The following GXYLT2 variants were observed in gnomAD, a reference collection of about 807,000 sequenced individuals.
GXYLT2 encodes the protein glucoside xylosyltransferase 2.
In GXYLT2, 53 loss-of-function variants were observed where a neutral mutation model predicts 45.8. The observed-to-expected ratio is 1.16, with a 90% CI of 0.93 to 1.46. The LOEUF (loss-of-function observed/expected upper bound fraction) is 1.46. Among genes scored for constraint, GXYLT2 ranks in the 40% most tolerant of loss-of-function variants. The probability of loss-of-function intolerance (pLI) is 0.00; values close to 1 mark genes in which losing one functional copy is unlikely to be tolerated. For synonymous variants in GXYLT2, 219 were observed against 214.2 expected, an observed-to-expected ratio of 1.02 and a Z score of -0.19; for missense variants, 551 against 544.4, an observed-to-expected ratio of 1.01 and a Z score of -0.12.
chr3:72,964,362 G>A lies in GXYLT2; in HGVS notation c.977-3185G>A, dbSNP rs1163848342. 4.0e-5 allele frequency among the ~76,000 whole-genome samples: 6 copies of A among 150,986 alleles called. No homozygotes were observed. In the East Asian group the frequency reaches 5.9e-4, roughly 15 times the overall value. On this transcript the variant is annotated intron_variant, in intron 5 of 6. Transcript: ENST00000389617. Reference sequence around the variant, plus strand: ...TTTTGAGACAGAGTCTTGCTTTGTCGTTCGGGCTGGAGTGCAGTGGTGCGA... The same window carrying A: ...TTTTGAGACAGAGTCTTGCTTTGTCATTCGGGCTGGAGTGCAGTGGTGCGA...
At chr3:72,937,129 A>C (rs1022019987) in intron 3 of GXYLT2, among the ~76,000 whole-genome samples, 6 of 152,196 alleles carry the variant, frequency 3.9e-5, no homozygotes, top group African/African-American at 1.4e-4. Context: ...CTATTTGACT[A>C]TTCTGAGTTT....
intron 2 of GXYLT2, among the ~76,000 whole-genome samples, chr3:72,911,329 G>A (rs75898217): frequency 0.011 from 1,701 of 152,140 alleles, 27 homozygotes; most frequent in African/African-American, 0.037. Flanking sequence ...AGATGTATAC[G>A]TGCAACCATA....
intron 1 of GXYLT2, among the ~76,000 whole-genome samples, chr3:72,890,101 G>A (rs1298351383): frequency 6.6e-6 from 1 of 152,002 alleles, no homozygotes; most frequent in African/African-American, 2.4e-5. Context: ...TGTATTTTTA[G>A]TAGAGAGACG....
rs937630000 is a variant in GXYLT2 at position 72,918,645 on chromosome 3, C to T, written c.469-3559C>T. Among the ~76,000 whole-genome samples the T allele has an allele frequency of 2.0e-5, 3 of 151,746 alleles. 1 individual carries two copies. The highest frequency in any genetic ancestry group is 4.2e-4 in the South Asian group (2 of 4,808). ...TTCAAGACCAGCCTGGGAAACATGG[C>T]GAAACCCCATCTCTACTGAAAATAC... On this transcript the variant is annotated intron_variant, in intron 2 of 6. Coordinates refer to ENST00000389617, the MANE Select transcript of GXYLT2 (RefSeq NM_001080393.2).
At chr3:72,935,249 A>T (rs4676896) in intron 3 of GXYLT2, among the ~76,000 whole-genome samples, 77,476 of 152,076 alleles carry the variant, frequency 0.51, 22,554 homozygotes, top group Non-Finnish European at 0.63. Flanking sequence ...CCTCTTGTAC[A>T]TTAAAAGTAC....
At chr3:72,970,555 C>T (rs1710968636) in intron 6 of GXYLT2, among the ~76,000 whole-genome samples, 1 of 152,004 alleles carries the variant, frequency 6.6e-6, no homozygotes, top group Non-Finnish European at 1.5e-5. Context: ...CTGGAGAATT[C>T]TAACTCTGAA....
At chr3:72,938,830 T>C (rs2107122351) in intron 3 of GXYLT2, among the ~76,000 whole-genome samples, 1 of 152,194 alleles carries the variant, frequency 6.6e-6, no homozygotes, top group Non-Finnish European at 1.5e-5. Flanking sequence ...CAAACACAAG[T>C]TTAATGAGCC....
intron 3 of GXYLT2, among the ~76,000 whole-genome samples, chr3:72,931,783 A>G (rs1422553682): frequency 6.6e-6 from 1 of 151,974 alleles, no homozygotes; most frequent in East Asian, 1.9e-4. Context: ...TAAAGATTCA[A>G]CTGAAAATTA....
At chr3:72,912,009 ATATATT>A (rs1709637024) in intron 2 of GXYLT2, among the ~76,000 whole-genome samples, 1 of 122,020 alleles carries the variant, frequency 8.2e-6, no homozygotes, top group African/African-American at 4.5e-5. Flanking sequence ...ATATATATAT[ATATATT>A]TTTTTTTTTT....
At chr3:72,926,627 T>G (rs559392126) in intron 3 of GXYLT2, among the ~76,000 whole-genome samples, 2 of 152,296 alleles carry the variant, frequency 1.3e-5, no homozygotes, top group East Asian at 3.9e-4. Flanking sequence ...TAATTGGAAG[T>G]AGTGAGATTT....
intron 2 of GXYLT2, among the ~76,000 whole-genome samples, chr3:72,915,062 A>G (rs1191590069): frequency 1.3e-5 from 2 of 151,970 alleles, no homozygotes; most frequent in East Asian, 3.9e-4. Context: ...CTGAGGCATG[A>G]GAATCGCTTG....
chr3:72,920,169 C>CT (rs1474529143), intron 2 of GXYLT2, among the ~76,000 whole-genome samples: 4 of 152,004 alleles, frequency 2.6e-5, no homozygotes, highest in African/African-American at 9.7e-5. Context: ...GAGTCTCACT[C>CT]TGTCACCCAG....
In GXYLT2 at chr3:72,922,054, T is replaced by A. The variant is rs536128486; in HGVS notation, c.469-150T>A. 1.3e-5 allele frequency: 9 copies of A among 668,398 alleles called. No individual in the cohort carries two copies. The Admixed American group carries it at 1.8e-4, about 14-fold the overall frequency. The allele number at this position is 668,398 out of a possible 1,614,324, so 41.4% of individuals were successfully genotyped here. ...AATTTTAGTAGGAGCAAATACTCTT[T>A]CATTTAGTGAACATTCATAGTGGTG... is the stretch of plus-strand genomic sequence containing the variant. On this transcript the variant is annotated intron_variant, in intron 2 of 6. Transcript: ENST00000389617.
chr3:72,940,147 G>C (rs967123188), intron 3 of GXYLT2, among the ~76,000 whole-genome samples: 1 of 152,162 alleles, frequency 6.6e-6, no homozygotes, highest in African/African-American at 2.4e-5. Context: ...GACAGAACAA[G>C]ACCTTACCTC....
At chr3:72,943,111 C>T (rs1710329649) in intron 3 of GXYLT2, among the ~76,000 whole-genome samples, 1 of 152,088 alleles carries the variant, frequency 6.6e-6, no homozygotes, top group African/African-American at 2.4e-5. Flanking sequence ...AGTCAAGCAG[C>T]TTTGACAACA....
At position 72,922,513 on chromosome 3, in the gene GXYLT2, T is replaced by C. The variant is rs80294260; in HGVS notation, c.600+178T>C. On this transcript the variant is annotated intron_variant, in intron 3 of 6. Coordinates refer to ENST00000389617, the MANE Select transcript of GXYLT2 (RefSeq NM_001080393.2). The stretch of plus-strand genomic sequence containing the variant: ...GATCCCTGTGTTCTGGAGGTTGTCA[T>C]ACCGAAAGACTGAGGGACTGTGAGC... Among the ~76,000 whole-genome samples, 268 of 152,330 alleles carry C rather than the reference T, an allele frequency of 1.8e-3. 9 individuals carry two copies. The East Asian group carries it at 0.049, about 28-fold the overall frequency.
At chr3:72,914,523 A>G (rs1709694713) in intron 2 of GXYLT2, among the ~76,000 whole-genome samples, 2 of 143,476 alleles carry the variant, frequency 1.4e-5, no homozygotes, top group African/African-American at 5.7e-5. Flanking sequence ...ATATTTACAT[A>G]TATATGTGTG....
At position 72,918,450 on chromosome 3, in the gene GXYLT2, T is replaced by TC. The variant is rs1256818970; in HGVS notation, c.469-3754_469-3753insC. ...AACACTAAAACAAACAACCTTGTAATAAACAAGTATCCATTTTTGAAATTT... is the reference window on the plus strand; with the variant it reads ...AACACTAAAACAAACAACCTTGTAATCAAACAAGTATCCATTTTTGAAATTT... On this transcript the variant is annotated intron_variant, in intron 2 of 6. Coordinates refer to ENST00000389617, the MANE Select transcript of GXYLT2 (RefSeq NM_001080393.2). Among the ~76,000 whole-genome samples the TC allele has an allele frequency of 4.6e-5, 7 of 152,160 alleles. No individual in the cohort carries two copies. In the East Asian group the frequency reaches 1.3e-3, roughly 29 times the overall value.
intron 3 of GXYLT2, among the ~76,000 whole-genome samples, chr3:72,929,945 T>C (rs546819802): frequency 3.9e-5 from 6 of 152,224 alleles, no homozygotes; most frequent in African/African-American, 1.4e-4. Context: ...GGCAGGTGGA[T>C]CACCTGAGGT....
Sources: allele counts gnomAD v4.1 joint callset (sites outside exome capture counted in the v4.1 genomes callset), GRCh38; gene constraint gnomAD v4.1.1; transcripts MANE v1.5; gene names NCBI Gene and HGNC (gene_info 2026-07-23, HGNC 2026-07-21).